Variants in PARP4 observed in about 807,000 individuals in gnomAD.
The protein encoded by PARP4 is poly(ADP-ribose) polymerase family member 4.
PARP4 carries 120 observed loss-of-function variants against 187.7 expected under a neutral mutation model. The ratio of observed to expected loss-of-function variants is 0.64; its 90% CI spans 0.55 to 0.74. The LOEUF is 0.74. Ranked by LOEUF, PARP4 falls within the 30% of genes least tolerant of loss-of-function variation. PARP4 has a pLI of 0.00. For synonymous variants in PARP4, 654 were observed against 740.9 expected (o/e 0.88, Z 1.90); for missense variants, 1,836 against 2,070.5 (o/e 0.89, Z 2.20).
chr13:24,509,585 C>T (rs1869888645), intron 1 of PARP4, among the ~76,000 whole-genome samples: 1 of 151,956 alleles, frequency 6.6e-6, no homozygotes. Flanking sequence ...TACCCCAATA[C>T]ATTTTTTAAA....
intron 30 of PARP4, among the ~76,000 whole-genome samples, chr13:24,439,991 C>T (rs745492407): frequency 6.6e-6 from 1 of 152,222 alleles, no homozygotes; most frequent in Non-Finnish European, 1.5e-5. Flanking sequence ...CTGAGCCTGG[C>T]TGAATGCACC....
chr13:24,500,038 G>GT (rs35514164), intron 4 of PARP4, among the ~76,000 whole-genome samples: 68,648 of 148,104 alleles, frequency 0.46, 15,894 homozygotes, highest in South Asian at 0.6. Flanking sequence ...ATGAAAATAG[G>GT]TTTTTTTTTA....
In PARP4 at chr13:24,441,853, C is replaced by T. The variant is rs143107378; in HGVS notation, c.3659G>A (p.Arg1220Lys). The change falls in exon 30 of 34, where the codon AGG becomes AAG. Residue 1220 changes from arginine to lysine, a missense_variant. Physicochemically the swap from Arg to Lys is conservative, Grantham distance 26. This residue lies in a region of PARP4 where 47 missense variants were observed against 99.5 expected (regional missense o/e 0.47). Transcript: ENST00000381989. ...TCGGTAATCAGCATTTACCTGGTTC[C>T]TGACGGCTTCTTGGGGCTCCCCCTG... is the stretch of plus-strand genomic sequence containing the variant. ...SWQGEPQEAV[R>K]NQSLLASSEW... 108 of 1,594,800 alleles carry T rather than the reference C, an allele frequency of 6.8e-5. No homozygotes were observed. The highest frequency in any genetic ancestry group is 8.7e-5 in the Non-Finnish European group (102 of 1,172,746).
At chr13:24,470,345 C>T (rs1354143842) in intron 15 of PARP4, among the ~76,000 whole-genome samples, 1 of 152,156 alleles carries the variant, frequency 6.6e-6, no homozygotes, top group Non-Finnish European at 1.5e-5. Flanking sequence ...GTTTTGTGGG[C>T]TTTGATGCCT....
chr13:24,423,619 A>G (rs1869867829), intron 33 of PARP4, among the ~76,000 whole-genome samples: 1 of 152,244 alleles, frequency 6.6e-6, no homozygotes, highest in African/African-American at 2.4e-5. Context: ...TTTCTTGGCA[A>G]ACTAATGAGA....
At chr13:24,511,977 A>G (rs921146073) in intron 1 of PARP4, among the ~76,000 whole-genome samples, 1 of 152,232 alleles carries the variant, frequency 6.6e-6, no homozygotes, top group African/African-American at 2.4e-5. Context: ...TTAATAAATG[A>G]TAAAGTCAGA....
At chr13:24,445,035 T>C (rs980312697) in intron 27 of PARP4, among the ~76,000 whole-genome samples, 38 of 152,254 alleles carry the variant, frequency 2.5e-4, no homozygotes, top group African/African-American at 7.0e-4. Context: ...CACGTGTTTC[T>C]TCCCCTCACC....
At chr13:24,449,869 A>C (rs1448538292) in intron 24 of PARP4, 52 bp from the exon 25 acceptor site, 12 of 1,132,974 alleles carry the variant, frequency 1.1e-5, no homozygotes, top group Admixed American at 1.8e-5. Context: ...ATATTTTTGA[A>C]GTACATGTTA....
intron 1 of PARP4, among the ~76,000 whole-genome samples, chr13:24,505,258 C>T (rs1332843071): frequency 6.6e-6 from 1 of 152,120 alleles, no homozygotes; most frequent in East Asian, 1.9e-4. Flanking sequence ...GGGGACCAGC[C>T]TAATGCCACA....
chr13:24,438,740 C>T (rs1277248263), intron 30 of PARP4, among the ~76,000 whole-genome samples: 1 of 152,118 alleles, frequency 6.6e-6, no homozygotes, highest in African/African-American at 2.4e-5. Flanking sequence ...AGGTGTTGCG[C>T]TCCCTGGAGG....
In PARP4 at chr13:24,490,662, G is replaced by A; in HGVS notation, c.1214+6C>T. The A allele has an allele frequency of 1.9e-6, 3 of 1,606,236 alleles. No homozygotes were observed. The Admixed American group carries it at 5.0e-5, about 27-fold the overall frequency. On this transcript the variant is annotated splice_donor_region_variant and intron_variant, in intron 10 of 33. Transcript: ENST00000381989. ...ACAGATCCTGAGATATTTCCTTTAT[G>A]CTTACCTGTGATGATTCTGCAAAAC...
At chr13:24,452,113 T>C in intron 24 of PARP4, 1 of 296,636 alleles carries the variant, frequency 3.4e-6, no homozygotes, top group Non-Finnish European at 6.2e-6. Flanking sequence ...GTGCTTTCTA[T>C]GTATGAGCTC....
chr13:24,497,909 C>T (rs1004138673), intron 6 of PARP4, among the ~76,000 whole-genome samples: 4 of 152,206 alleles, frequency 2.6e-5, no homozygotes, highest in African/African-American at 9.7e-5. Flanking sequence ...AGAAATCAAC[C>T]CTGCTGTACT....
intron 15 of PARP4, among the ~76,000 whole-genome samples, chr13:24,471,019 C>T (rs1377123873): frequency 1.3e-5 from 2 of 152,142 alleles, no homozygotes; most frequent in African/African-American, 4.8e-5. Flanking sequence ...GGCAAACGTG[C>T]GTCCTGGAGT....
chr13:24,498,260 C>T, intron 5 of PARP4, 31 bp from the exon 6 acceptor site: 1 of 1,418,398 alleles, frequency 7.1e-7, no homozygotes, highest in Non-Finnish European at 1.0e-6. Context: ...TCAGAAGCTG[C>T]ACTCGGGAAA....
chr13:24,499,886 T>C (rs573500819), intron 4 of PARP4, among the ~76,000 whole-genome samples: 6 of 152,318 alleles, frequency 3.9e-5, no homozygotes. Context: ...CCCGATGTTT[T>C]GGGTATGCTT....
chr13:24,478,716 G>T (rs1403274397), intron 12 of PARP4, among the ~76,000 whole-genome samples: 1 of 152,180 alleles, frequency 6.6e-6, no homozygotes, highest in African/African-American at 2.4e-5. Flanking sequence ...TTACAGGCAT[G>T]AGCAACCATG....
chr13:24,468,094 C>T (rs745646982), intron 17 of PARP4, among the ~76,000 whole-genome samples: 3 of 152,190 alleles, frequency 2.0e-5, no homozygotes, highest in African/African-American at 4.8e-5. Context: ...AGAGGCGATA[C>T]TCAAACATAT....
chr13:24,511,117 G>T (rs768110593), intron 1 of PARP4, among the ~76,000 whole-genome samples: 1 of 152,168 alleles, frequency 6.6e-6, no homozygotes, highest in Non-Finnish European at 1.5e-5. Flanking sequence ...ACATAAATCT[G>T]CGGTCTGTTC....
Sources: gnomAD v4.1 joint callset for allele counts (sites outside exome capture counted in the v4.1 genomes callset) on GRCh38, gnomAD v4.1.1 for gene constraint, gnomAD v4.1.1 regional missense constraint, MANE v1.5 for transcripts, NCBI Gene and HGNC (gene_info 2026-07-23, HGNC 2026-07-21) for gene names.